CDH18: variants seen among roughly 807,000 people sequenced by gnomAD.
The protein encoded by CDH18 is cadherin 18, also known as cadherin-18.
In CDH18, 31 loss-of-function variants were observed where a neutral mutation model predicts 67.9. That is an observed-to-expected ratio of 0.46 (90% confidence interval 0.34 to 0.62). The LOEUF is 0.62. Ranked by LOEUF, CDH18 falls within the 20% of genes least tolerant of loss-of-function variation. CDH18 has a pLI of 0.01. For missense variants in CDH18, 890 were observed against 975.5 expected (o/e 0.91, Z 1.17); for synonymous variants, 362 against 347.2 (o/e 1.04, Z -0.48).
chr5:20,012,447 G>T (rs1737532832), intron 2 of CDH18, among the ~76,000 whole-genome samples: 2 of 149,102 alleles, frequency 1.3e-5, no homozygotes, highest in African/African-American at 2.5e-5. Context: ...GTCTCCTTCA[G>T]TTCAGTAGCA....
chr5:20,032,232 T>A (rs1461054829), intron 2 of CDH18, among the ~76,000 whole-genome samples: 1 of 150,794 alleles, frequency 6.6e-6, no homozygotes, highest in Non-Finnish European at 1.5e-5. Flanking sequence ...TACATATATG[T>A]GCATGTATAT....
intron 2 of CDH18, among the ~76,000 whole-genome samples, chr5:19,938,629 C>T (rs1404328360): frequency 6.6e-6 from 1 of 151,460 alleles, no homozygotes; most frequent in African/African-American, 2.4e-5. Flanking sequence ...TGACTTTCTA[C>T]TTCATGCTTT....
intron 2 of CDH18, among the ~76,000 whole-genome samples, chr5:20,009,810 C>T (rs1580018013): frequency 6.6e-6 from 1 of 151,986 alleles, no homozygotes; most frequent in African/African-American, 2.4e-5. Context: ...GCCAATAATG[C>T]CAGTATTTGC....
chr5:19,549,442 TAAATG>T (rs1561321072), intron 8 of CDH18, among the ~76,000 whole-genome samples: 6 of 152,100 alleles, frequency 3.9e-5, no homozygotes, highest in Non-Finnish European at 5.9e-5. Flanking sequence ...CTTTTCTTTA[TAAATG>T]ACCCAGCTTC....
rs1403770824 is a variant in CDH18 at position 19,969,253 on chromosome 5, A to T, written c.-257+11807T>A. On this transcript the variant is annotated intron_variant, in intron 2 of 12. Transcript: ENST00000382275. ...ACTTTTACACTGTTGGTGGGACTGT[A>T]AACGAGTTCAACCATTGTGGAAGTC... Among the ~76,000 whole-genome samples, 2 of 141,688 alleles carry T rather than the reference A, an allele frequency of 1.4e-5. 1 individual carries two copies. Among genetic ancestry groups the T allele is most frequent in the African/African-American group, 6.0e-5 (2 of 33,318 alleles). The allele number at this position is 141,688 out of a possible 152,430, so 93.0% of individuals were successfully genotyped here. A position where few individuals can be genotyped will look rare whatever the true frequency, so the allele number is the denominator to read the frequency against.
intron 2 of CDH18, among the ~76,000 whole-genome samples, chr5:20,007,672 A>AGT (rs145213048): frequency 0.18 from 24,809 of 139,946 alleles, 2,370 homozygotes; most frequent in Non-Finnish European, 0.22. Context: ...GTGTGTGGAA[A>AGT]GTGTGTGTGT....
At chr5:19,719,868 AAG>A (rs1160946420) in intron 5 of CDH18, among the ~76,000 whole-genome samples, 38 of 150,532 alleles carry the variant, frequency 2.5e-4, no homozygotes, top group Admixed American at 7.3e-4. Flanking sequence ...AAAGAAAGAA[AAG>A]AGAGAGAGAG....
chr5:19,526,087 C>T (rs376566205), intron 9 of CDH18, among the ~76,000 whole-genome samples: 1 of 151,938 alleles, frequency 6.6e-6, no homozygotes, highest in Non-Finnish European at 1.5e-5. Context: ...TATTGATGTG[C>T]ATTAATTATT....
intron 5 of CDH18, among the ~76,000 whole-genome samples, chr5:19,615,554 C>CAGATCCAGACACA (rs1749691242): frequency 6.6e-6 from 1 of 152,132 alleles, no homozygotes; most frequent in Non-Finnish European, 1.5e-5. Flanking sequence ...CACATCATTA[C>CAGATCCAGACACA]TCTCCGAAGT....
chr5:19,506,959 G>A (rs1377727434), intron 10 of CDH18, among the ~76,000 whole-genome samples: 1 of 152,158 alleles, frequency 6.6e-6, no homozygotes, highest in African/African-American at 2.4e-5. Context: ...CCATCAGAGT[G>A]AACAGGCAAC....
intron 3 of CDH18, among the ~76,000 whole-genome samples, chr5:19,784,037 A>G (rs1233397931): frequency 6.6e-6 from 1 of 152,194 alleles, no homozygotes; most frequent in Admixed American, 6.5e-5. Flanking sequence ...AAAATTTTGT[A>G]CAAAAAAGTA....
chr5:20,360,048 T>TTA (rs199755254), intron 1 of CDH18, among the ~76,000 whole-genome samples: 3,159 of 148,292 alleles, frequency 0.021, 83 homozygotes, highest in African/African-American at 0.055. Flanking sequence ...TAGTGACATT[T>TTA]TATATATATA....
intron 2 of CDH18, among the ~76,000 whole-genome samples, chr5:20,184,139 CTAGTGACATAAATCTTCAAAA>C (rs1436575136): frequency 6.6e-6 from 1 of 151,972 alleles, no homozygotes; most frequent in African/African-American, 2.4e-5. Flanking sequence ...AATGACTAAT[CTAGTGACATAAATCTTCAAAA>C]ATCATATGAA....
intron 1 of CDH18, among the ~76,000 whole-genome samples, chr5:20,365,987 T>C (rs1478491505): frequency 6.6e-6 from 1 of 152,156 alleles, no homozygotes; most frequent in East Asian, 1.9e-4. Flanking sequence ...TCTGAAGATA[T>C]CTTCTCTATT....
intron 2 of CDH18, among the ~76,000 whole-genome samples, chr5:19,936,369 G>C (rs1297968084): frequency 6.6e-6 from 1 of 151,040 alleles, no homozygotes; most frequent in Non-Finnish European, 1.5e-5. Flanking sequence ...CTAAAAATTA[G>C]GACAAAATGT....
chr5:19,913,221 T>C (rs1791354101), intron 2 of CDH18, among the ~76,000 whole-genome samples: 1 of 114,494 alleles, frequency 8.7e-6, no homozygotes, highest in South Asian at 2.9e-4. Flanking sequence ...ACATGAATAA[T>C]TTAAATGAGA....
intron 2 of CDH18, among the ~76,000 whole-genome samples, chr5:19,866,498 C>T (rs1421640489): frequency 6.6e-6 from 1 of 152,116 alleles, no homozygotes; most frequent in African/African-American, 2.4e-5. Flanking sequence ...GAGAACACTG[C>T]AGGTGCAAAG....
intron 3 of CDH18, among the ~76,000 whole-genome samples, chr5:19,782,883 C>G: frequency 6.6e-6 from 1 of 152,066 alleles, no homozygotes. Context: ...ATCAGAAAAG[C>G]TAATGAGGAC....
chr5:20,029,126 A>T (rs937329208), intron 2 of CDH18, among the ~76,000 whole-genome samples: 3 of 152,162 alleles, frequency 2.0e-5, no homozygotes, highest in Non-Finnish European at 2.9e-5. Flanking sequence ...TATATATTGA[A>T]ATCCCAAACT....
Sources: gnomAD v4.1 joint callset for allele counts (sites outside exome capture counted in the v4.1 genomes callset) on GRCh38, gnomAD v4.1.1 for gene constraint, MANE v1.5 for transcripts, NCBI Gene and HGNC (gene_info 2026-07-23, HGNC 2026-07-21) for gene names.